PTGER3: variants seen among roughly 807,000 people sequenced by gnomAD.
The protein encoded by PTGER3 is prostaglandin E2 receptor EP3 subtype.
Under a neutral mutation model 34.7 loss-of-function variants are expected in PTGER3, and 22 were observed. The ratio of observed to expected loss-of-function variants is 0.63; its 90% CI spans 0.45 to 0.91. The LOEUF is 0.91. Among genes scored for constraint, PTGER3 ranks in the 40% least tolerant of loss-of-function variants. The pLI is 0.00. For missense variants in PTGER3, 468 were observed against 519.4 expected (o/e 0.90, Z 0.96); for synonymous variants, 241 against 230.1 (o/e 1.05, Z -0.43).
chr1:70,993,866 A>G (rs1655688691), intron 2 of PTGER3, among the ~76,000 whole-genome samples: 2 of 152,208 alleles, frequency 1.3e-5, no homozygotes, highest in African/African-American at 4.8e-5. Flanking sequence ...AAGAATTTCT[A>G]AATGTGAACA....
chr1:70,924,574 T>C (rs1447559216), intron 4 of PTGER3, among the ~76,000 whole-genome samples: 1 of 152,162 alleles, frequency 6.6e-6, no homozygotes, highest in Non-Finnish European at 1.5e-5. Context: ...CATATTAGCT[T>C]AGTTCCAACA....
chr1:70,918,188 T>C (rs1647240129), intron 4 of PTGER3, among the ~76,000 whole-genome samples: 1 of 151,992 alleles, frequency 6.6e-6, no homozygotes, highest in Non-Finnish European at 1.5e-5. Context: ...AAAAACTGAA[T>C]ATCCACATGT....
intron 2 of PTGER3, among the ~76,000 whole-genome samples, chr1:70,975,941 C>G (rs2100698533): frequency 6.6e-6 from 1 of 152,246 alleles, no homozygotes; most frequent in South Asian, 2.1e-4. Context: ...CTTACCTTAG[C>G]TGACAACTAG....
chr1:70,972,449 G>A (rs563223954), intron 3 of PTGER3, among the ~76,000 whole-genome samples: 48 of 151,734 alleles, frequency 3.2e-4, no homozygotes, highest in East Asian at 7.7e-4. Flanking sequence ...AATTATTTTC[G>A]CAAACAGTCT....
Position 70,874,422 on chromosome 1 carries a change from T to C in PTGER3, c.*24-21563A>G, listed in dbSNP as rs370326122. 1.9e-3 allele frequency among the ~76,000 whole-genome samples: 282 copies of C among 152,328 alleles called. 1 individual carries two copies. Among genetic ancestry groups the C allele is most frequent in the South Asian group, 5.2e-3 (25 of 4,830 alleles). ...GTTATCTTCCTTTCTCTCTTTTCCC[T>C]CCCCAGCTCCTCTGGCTGGTTCCTT... On this transcript the variant is annotated intron_variant, in intron 4 of 4. Coordinates refer to the PTGER3 transcript ENST00000370931.
rs1320861099 is a variant in PTGER3 at position 71,047,012 on chromosome 1, G to A, written c.566C>T (p.Ala189Val). ...LGVWLAVLAFALLPVLGVGQY... is the reference protein window; with the variant it reads ...LGVWLAVLAFVLLPVLGVGQY... Reference sequence around the variant, plus strand: ...GCCCACGCCCAGCACCGGCAGCAGGGCGAAGGCGAGCACGGCCAGCCACAC... The same window carrying A: ...GCCCACGCCCAGCACCGGCAGCAGGACGAAGGCGAGCACGGCCAGCCACAC... The change falls in exon 1 of 4, where the codon GCC (alanine) becomes GTC (valine). Residue 189 changes from alanine (A) to valine (V), a missense_variant. By Grantham distance (64) the Ala-to-Val change is moderately conservative. Transcript: ENST00000306666. The A allele has an allele frequency of 6.2e-7, 1 of 1,611,024 alleles. No individual in the cohort carries two copies. Among genetic ancestry groups the A allele is most frequent in the Non-Finnish European group, 8.5e-7 (1 of 1,179,040 alleles).
intron 4 of PTGER3, among the ~76,000 whole-genome samples, chr1:70,925,888 T>C (rs1209412918): frequency 1.3e-5 from 2 of 152,142 alleles, no homozygotes; most frequent in Non-Finnish European, 2.9e-5. Flanking sequence ...ATATGTTACA[T>C]TCTTTAGTGA....
At chr1:70,951,714 A>C (rs1650774686), downstream of PTGER3, among the ~76,000 whole-genome samples, 1 of 152,176 alleles carries the variant, frequency 6.6e-6, no homozygotes, top group Non-Finnish European at 1.5e-5. Context: ...ATATTTCCTT[A>C]GCACCTCCAA....
intron 4 of PTGER3, among the ~76,000 whole-genome samples, chr1:70,887,628 T>C (rs2100252183): frequency 6.6e-6 from 1 of 152,278 alleles, no homozygotes; most frequent in Admixed American, 6.5e-5. Context: ...ATACTTATTT[T>C]TCAACAAAGT....
intron 4 of PTGER3, among the ~76,000 whole-genome samples, chr1:70,906,386 G>A (rs74089131): frequency 1.3e-5 from 2 of 152,200 alleles, no homozygotes; most frequent in African/African-American, 2.4e-5. Flanking sequence ...ACTTGAAAAA[G>A]TCATGGATGC....
intron 2 of PTGER3, among the ~76,000 whole-genome samples, chr1:70,998,474 C>A (rs894895970): frequency 3.9e-5 from 6 of 152,136 alleles, no homozygotes; most frequent in Non-Finnish European, 7.4e-5. Flanking sequence ...TCCCCACAAC[C>A]TAGACCCACA....
In PTGER3 at chr1:71,019,941, G is replaced by A. The variant is rs116175394; in HGVS notation, c.898-7457C>T. Among the ~76,000 whole-genome samples the A allele has an allele frequency of 8.3e-3, 1,270 of 152,232 alleles. 25 individuals are homozygous for A. The highest frequency in any genetic ancestry group is 0.029 in the African/African-American group (1,223 of 41,538). On this transcript the variant is annotated intron_variant, in intron 1 of 3. Coordinates refer to ENST00000306666, the MANE Select transcript of PTGER3 (RefSeq NM_198719.2). ...TCACAAGCCAATTTTTATCTGCGAT[G>A]TTTTGTTTTCCGTAATTCTCTGTTG...
chr1:70,869,770 A>C (rs7539357), intron 4 of PTGER3, among the ~76,000 whole-genome samples: 28,617 of 152,188 alleles, frequency 0.19, 3,499 homozygotes, highest in Admixed American at 0.34. Flanking sequence ...CAGTGGTGCA[A>C]GGTGTGAGCT....
chr1:71,033,770 G>C (rs1572987359), intron 1 of PTGER3, among the ~76,000 whole-genome samples: 1 of 152,078 alleles, frequency 6.6e-6, no homozygotes, highest in East Asian at 1.9e-4. Context: ...ATTCCTTGAG[G>C]ACAAGGGTCA....
chr1:70,909,266 G>A (rs1338770022), intron 4 of PTGER3, among the ~76,000 whole-genome samples: 4 of 152,204 alleles, frequency 2.6e-5, no homozygotes, highest in Admixed American at 6.5e-5. Context: ...AGAGAGCTAT[G>A]TGTACGTGTT....
chr1:70,977,787 C>G lies in PTGER3; in HGVS notation c.1078-3399G>C, dbSNP rs573946538. Among the ~76,000 whole-genome samples the G allele has an allele frequency of 4.6e-5, 7 of 152,070 alleles. No homozygotes were observed. In the South Asian group the frequency reaches 1.5e-3, roughly 32 times the overall value. ...TTGGGAAACCAATACACACAAACAC[C>G]TGTGCTTGACTGTTTGTCTCTACTC... On this transcript the variant is annotated intron_variant, in intron 2 of 3. Transcript: ENST00000306666.
At chr1:70,928,155 A>G (rs1472759300) in intron 4 of PTGER3, among the ~76,000 whole-genome samples, 1 of 146,578 alleles carries the variant, frequency 6.8e-6, no homozygotes, top group African/African-American at 2.5e-5. Flanking sequence ...ATTTATAGAC[A>G]TATATATTTT....
At chr1:71,041,459 C>A (rs1406518172) in intron 1 of PTGER3, among the ~76,000 whole-genome samples, 1 of 152,158 alleles carries the variant, frequency 6.6e-6, no homozygotes, top group Non-Finnish European at 1.5e-5. Flanking sequence ...TTCACACCAT[C>A]ATGAAGTTGA....
At chr1:70,884,773 G>A (rs1276996890) in intron 4 of PTGER3, among the ~76,000 whole-genome samples, 1 of 152,164 alleles carries the variant, frequency 6.6e-6, no homozygotes, top group Non-Finnish European at 1.5e-5. Context: ...CTTAAATTCA[G>A]TGTATACATG....
Sources: allele counts gnomAD v4.1 joint callset (sites outside exome capture counted in the v4.1 genomes callset), GRCh38; gene constraint gnomAD v4.1.1; transcripts MANE v1.5; gene names NCBI Gene and HGNC (gene_info 2026-07-23, HGNC 2026-07-21).